RGS7: variants seen among roughly 807,000 people sequenced by gnomAD.
RGS7 encodes the protein regulator of G-protein signaling 7.
In RGS7, 27 loss-of-function variants were observed where a neutral mutation model predicts 81.1. The ratio of observed to expected loss-of-function variants is 0.33; its 90% confidence interval spans 0.25 to 0.46. The LOEUF is 0.46. Ranked by LOEUF, RGS7 falls within the 20% of genes least tolerant of loss-of-function variation. The probability of loss-of-function intolerance (pLI) is 1.00; values close to 1 mark genes in which losing one functional copy is unlikely to be tolerated. For missense variants in RGS7, 396 were observed against 607.4 expected, an observed-to-expected ratio of 0.65 and a Z score of 3.66; for synonymous variants, 208 against 207.7, an observed-to-expected ratio of 1.00 and a Z score of -0.01.
At chr1:241,105,006 T>C (rs541125078) in intron 2 of RGS7, among the ~76,000 whole-genome samples, 1 of 152,204 alleles carries the variant, frequency 6.6e-6, no homozygotes, top group African/African-American at 2.4e-5. Flanking sequence ...GTTTGATATG[T>C]TTTTTTCTTT....
intron 4 of RGS7, among the ~76,000 whole-genome samples, chr1:240,961,984 C>A (rs935467511): frequency 9.9e-5 from 15 of 152,012 alleles, no homozygotes; most frequent in African/African-American, 3.6e-4. Flanking sequence ...AAGAATCTGC[C>A]CTTAATTTTG....
chr1:241,226,401 C>T (rs1282893175), intron 2 of RGS7, among the ~76,000 whole-genome samples: 1 of 152,124 alleles, frequency 6.6e-6, no homozygotes, highest in Non-Finnish European at 1.5e-5. Context: ...CTCAAAGGGT[C>T]TGGTAGTTAG....
chr1:241,089,019 C>CTCTCTCT (rs1558700011), intron 3 of RGS7, among the ~76,000 whole-genome samples: 1 of 105,068 alleles, frequency 9.5e-6, no homozygotes, highest in East Asian at 2.5e-4. Context: ...GAGCAAGACT[C>CTCTCTCT]CATCTCTCTC....
chr1:240,987,379 A>G (rs1685818796), intron 3 of RGS7, among the ~76,000 whole-genome samples: 1 of 152,202 alleles, frequency 6.6e-6, no homozygotes, highest in Admixed American at 6.5e-5. Context: ...TTTCTCTTTC[A>G]GGGAAATGGA....
Position 240,827,880 on chromosome 1 carries a change from A to C in RGS7, c.610-708T>G, listed in dbSNP as rs944797919. Reference sequence around the variant, plus strand: ...ACTCCATTGCAAAAAAAAAAAAAAAAAAAAAAAACAGGCTGTTATTAGATG... The same window carrying C: ...ACTCCATTGCAAAAAAAAAAAAAAACAAAAAAAACAGGCTGTTATTAGATG... On this transcript the variant is annotated intron_variant, in intron 9 of 18. Coordinates refer to ENST00000440928, the MANE Select transcript of RGS7 (RefSeq NM_001364886.1). Among the ~76,000 whole-genome samples the C allele has an allele frequency of 3.4e-5, 5 of 147,962 alleles. No homozygotes were observed. In the South Asian group the frequency reaches 8.4e-4, roughly 25 times the overall value.
chr1:241,008,768 T>C (rs2058805258), intron 3 of RGS7, among the ~76,000 whole-genome samples: 1 of 151,794 alleles, frequency 6.6e-6, no homozygotes, highest in Non-Finnish European at 1.5e-5. Context: ...AAAAATTAGC[T>C]GGGCATGGTC....
intron 3 of RGS7, among the ~76,000 whole-genome samples, chr1:241,030,313 G>C (rs558315447): frequency 6.9e-6 from 1 of 145,084 alleles, no homozygotes; most frequent in Admixed American, 7.1e-5. Flanking sequence ...CCCTCCCACA[G>C]GGCTTGGAAT....
chr1:240,926,399 C>A (rs1309674777), intron 6 of RGS7, among the ~76,000 whole-genome samples: 1 of 152,108 alleles, frequency 6.6e-6, no homozygotes, highest in Non-Finnish European at 1.5e-5. Flanking sequence ...AATAAGGAAT[C>A]CTTTCTCCAT....
intron 6 of RGS7, among the ~76,000 whole-genome samples, chr1:240,899,213 AC>A (rs1669574202): frequency 6.6e-6 from 1 of 152,158 alleles, no homozygotes; most frequent in Non-Finnish European, 1.5e-5. Context: ...AATACAGCAC[AC>A]TGATGGGTCT....
At chr1:241,057,827 A>T (rs1473095183) in intron 3 of RGS7, among the ~76,000 whole-genome samples, 2 of 152,140 alleles carry the variant, frequency 1.3e-5, no homozygotes, top group Non-Finnish European at 2.9e-5. Flanking sequence ...ACACCGCTGC[A>T]CTCCAGCCTG....
chr1:240,928,176 A>G (rs1357935088), intron 6 of RGS7, among the ~76,000 whole-genome samples: 1 of 152,178 alleles, frequency 6.6e-6, no homozygotes, highest in African/African-American at 2.4e-5. Context: ...CCTCCAGGAT[A>G]TATAAACCCT....
chr1:240,827,882 A>AAC (rs1693152548), intron 9 of RGS7, among the ~76,000 whole-genome samples: 1 of 149,852 alleles, frequency 6.7e-6, no homozygotes, highest in African/African-American at 2.5e-5. Context: ...AAAAAAAAAA[A>AAC]AAAAAACAGG....
intron 2 of RGS7, among the ~76,000 whole-genome samples, chr1:241,157,821 C>CT (rs67249227): frequency 0.35 from 33,097 of 94,368 alleles, 5,487 homozygotes; most frequent in African/African-American, 0.57. Flanking sequence ...CTTTTCTTTT[C>CT]TTTTTTTTTT....
In RGS7 at chr1:241,236,559, T is replaced by A. The variant is rs376943272; in HGVS notation, c.78+119140A>T. 1.4e-4 allele frequency among the ~76,000 whole-genome samples: 22 copies of A among 152,302 alleles called. No individual in the cohort carries two copies. In the South Asian group the frequency reaches 4.1e-3, roughly 29 times the overall value. Reference sequence around the variant, plus strand: ...ACATTGGTTATGGACAGGAAAGACCTTCTGTCTTATTAAATGACTCACATG... The same window carrying A: ...ACATTGGTTATGGACAGGAAAGACCATCTGTCTTATTAAATGACTCACATG... On this transcript the variant is annotated intron_variant, in intron 2 of 18. Coordinates refer to ENST00000440928, the MANE Select transcript of RGS7 (RefSeq NM_001364886.1).
chr1:241,261,807 TG>T (rs1409879826), intron 2 of RGS7, among the ~76,000 whole-genome samples: 1 of 152,068 alleles, frequency 6.6e-6, no homozygotes, highest in African/African-American at 2.4e-5. Context: ...ATACTAGAGC[TG>T]AAGAAAACCA....
intron 3 of RGS7, among the ~76,000 whole-genome samples, chr1:241,018,133 A>ATTTTTTTTTTTTTT (rs34587479): frequency 1.0e-4 from 12 of 114,438 alleles, no homozygotes; most frequent in African/African-American, 2.1e-4. Context: ...TGCCCAGCTA[A>ATTTTTTTTTTTTTT]TTTTTTTTTT....
At chr1:240,930,157 T>C (rs961428173) in intron 6 of RGS7, among the ~76,000 whole-genome samples, 13 of 152,094 alleles carry the variant, frequency 8.5e-5, no homozygotes, top group African/African-American at 3.1e-4. Flanking sequence ...AAATAATGGC[T>C]GTTGAACCAA....
rs78906325 is a variant in RGS7, at chr1:241,024,749, A to G, written c.176-41620T>C. ...GATGTATATTGATGCTCAAAAAGAC[A>G]CTGCAGATCATTGATTTGAAATGCT... On this transcript the variant is annotated intron_variant, in intron 3 of 18. Transcript: ENST00000440928. 6.7e-4 allele frequency among the ~76,000 whole-genome samples: 102 copies of G among 152,280 alleles called. No homozygotes were observed. In the East Asian group the frequency reaches 0.016, roughly 24 times the overall value.
intron 2 of RGS7, among the ~76,000 whole-genome samples, chr1:241,267,359 T>C (rs2077646235): frequency 1.3e-5 from 2 of 152,248 alleles, no homozygotes; most frequent in African/African-American, 4.8e-5. Context: ...CGTTGCCTTC[T>C]AGGGTACCAG....
Sources: allele counts gnomAD v4.1 joint callset (sites outside exome capture counted in the v4.1 genomes callset), GRCh38; gene constraint gnomAD v4.1.1; transcripts MANE v1.5; gene names NCBI Gene and HGNC (gene_info 2026-07-23, HGNC 2026-07-21).